UNC5A: variants seen among roughly 807,000 people sequenced by gnomAD.
The protein encoded by UNC5A is unc-5 netrin receptor A.
A neutral mutation model predicts 87.4 loss-of-function variants in UNC5A; 20 were observed. The ratio of observed to expected loss-of-function variants is 0.23; its 90% CI spans 0.16 to 0.33. The LOEUF is 0.33. Among genes scored for constraint, UNC5A ranks in the 10% least tolerant of loss-of-function variants. The pLI, the probability that UNC5A is intolerant of heterozygous loss-of-function variation, is 1.00. For missense variants in UNC5A, 844 were observed against 1,133.4 expected (o/e 0.74, Z 3.67); for synonymous variants, 438 against 482.3 (o/e 0.91, Z 1.20).
Position 176,879,999 on chromosome 5 carries a change from C to T in UNC5A, c.*113C>T. The stretch of plus-strand genomic sequence containing the variant: ...CGGGGAGAGCTGCTCGGACAGGCCC[C>T]CTCCCGGCCGAAGCTGTCCCTTAAT... On this transcript the variant is annotated 3_prime_UTR_variant, in exon 15 of 15. Coordinates refer to ENST00000329542, the MANE Select transcript of UNC5A (RefSeq NM_133369.3). 1 of 1,372,726 alleles carries T rather than the reference C, an allele frequency of 7.3e-7. No individual in the cohort carries two copies. 85.0% of individuals were successfully genotyped at this position (1,372,726 alleles called of 1,614,324 possible). A position where few individuals can be genotyped will look rare whatever the true frequency, so the allele number is the denominator to read the frequency against.
chr5:176,877,346 C>T, intron 9 of UNC5A, 67 bp downstream of exon 9: 7 of 1,456,176 alleles, frequency 4.8e-6, no homozygotes, highest in South Asian at 3.7e-5. Context: ...CCCCAGGAAG[C>T]CCCCTGCCCA....
chr5:176,865,850 A>G lies in UNC5A; in HGVS notation c.293-2280A>G, dbSNP rs564285419. 16 of 354,456 alleles carry G rather than the reference A, an allele frequency of 4.5e-5. No homozygotes were observed. Among genetic ancestry groups the G allele is most frequent in the Non-Finnish European group, 9.0e-5 (16 of 177,878 alleles). 22.0% of individuals were successfully genotyped at this position (354,456 alleles called of 1,614,324 possible). On this transcript the variant is annotated intron_variant, in intron 2 of 14. Coordinates refer to ENST00000329542, the MANE Select transcript of UNC5A (RefSeq NM_133369.3). This position sits in a 1 kb window ranked among gnomAD's most constrained non-coding sequence, Gnocchi z 5.3. ...CGTTTGCCCTCATTCCTCACCCAGA[A>G]GGCCAGGGGGCAGGGACCAAGGCCT...
chr5:176,870,847 C>T lies in UNC5A; in HGVS notation c.886+313C>T, dbSNP rs574662454. Among the ~76,000 whole-genome samples the T allele has an allele frequency of 2.7e-5, 4 of 148,570 alleles. No homozygotes were observed. The South Asian group carries it at 6.6e-4, about 24-fold the overall frequency. ...AACACCACAGCTTCACATCTGCCCA[C>T]GCTCACCCCACACCACAGCTTCCCA... On this transcript the variant is annotated intron_variant, in intron 6 of 14. Transcript: ENST00000329542.
chr5:176,842,303 G>T (rs899618030), intron 1 of UNC5A, among the ~76,000 whole-genome samples: 1 of 152,260 alleles, frequency 6.6e-6, no homozygotes, highest in Admixed American at 6.5e-5. Context: ...CACTATGGAA[G>T]ACAGTGTGGA....
chr5:176,814,417 T>G (rs553878671), intron 1 of UNC5A, among the ~76,000 whole-genome samples: 4 of 152,270 alleles, frequency 2.6e-5, no homozygotes, highest in African/African-American at 9.6e-5. Context: ...AGACTGTAGC[T>G]CCTTTGCCTT....
In UNC5A at chr5:176,874,403, C is replaced by T. The variant is rs770418654; in HGVS notation, c.1215C>T (p.Gly405=). Residue 405 remains glycine, a synonymous_variant, in exon 8 of 15, where the codon GGC becomes GGT. Coordinates refer to ENST00000329542, the MANE Select transcript of UNC5A (RefSeq NM_133369.3). The surrounding 1 kb of genome is among the most constrained non-coding windows in gnomAD (Gnocchi z 7.6). The part of the protein sequence containing the change: ...TNGHLLSPLG[G]GRHTLHHSSP... ...GGCACCTGCTCAGCCCCCTGGGTGG[C>T]GGCCGCCACACACTGCACCACAGCT... The T allele has an allele frequency of 9.3e-6, 15 of 1,613,412 alleles. No homozygotes were observed. The highest frequency in any genetic ancestry group is 2.2e-5 in the East Asian group (1 of 44,888).
chr5:176,813,257 A>G (rs1756512743), intron 1 of UNC5A, among the ~76,000 whole-genome samples: 1 of 152,140 alleles, frequency 6.6e-6, no homozygotes, highest in African/African-American at 2.4e-5. Context: ...TGCAGTCTTG[A>G]GCAGGAGGGA....
In UNC5A at chr5:176,869,623, G is replaced by A. The variant is rs1283293211; in HGVS notation, c.721+659G>A. ...TTCTCTGTCCGGCCAGTGAACGGTG[G>A]GTGGTCGACGTGGACCGAGTGGTCC... On this transcript the variant is annotated intron_variant, in intron 5 of 14. Transcript: ENST00000329542. This position sits in a 1 kb window ranked among gnomAD's most constrained non-coding sequence, Gnocchi z 9.1. The A allele has an allele frequency of 1.4e-6, 1 of 699,820 alleles. No homozygotes were observed. The highest frequency in any genetic ancestry group is 1.5e-5 in the South Asian group (1 of 67,422). 43.4% of individuals were successfully genotyped at this position (699,820 alleles called of 1,614,324 possible).
rs1414104509 is a variant in UNC5A at position 176,877,456 on chromosome 5, C to T, written c.1467-79C>T. ...CCCCTGGCCCCTGGGATGCTGCTGC[C>T]CTGCCCTTGGCCTAGCCCTCAGGAC... is the stretch of plus-strand genomic sequence containing the variant. On this transcript the variant is annotated intron_variant, in intron 9 of 14. Transcript: ENST00000329542. The T allele has an allele frequency of 2.0e-6, 3 of 1,488,136 alleles. No individual in the cohort carries two copies. The African/African-American group carries it at 4.2e-5, about 21-fold the overall frequency. The allele number at this position is 1,488,136 out of a possible 1,614,324, so 92.2% of individuals were successfully genotyped here.
In UNC5A at chr5:176,862,861, C is replaced by T. The variant is rs139255325; in HGVS notation, c.292+16C>T. ...GGGAGCAGTGGTGAGCCGCATGGGG[C>T]GCCAGGCAGGGCCAATCCGGGGGAG... On this transcript the variant is annotated intron_variant, in intron 2 of 14. Transcript: ENST00000329542. 9.1e-5 allele frequency: 146 copies of T among 1,611,692 alleles called. No individual in the cohort carries two copies. The highest frequency in any genetic ancestry group is 7.7e-4 in the African/African-American group (58 of 75,010).
At chr5:176,870,311 T>C in intron 5 of UNC5A, 59 bp from the exon 6 acceptor site, 1 of 1,576,358 alleles carries the variant, frequency 6.3e-7, no homozygotes, top group Non-Finnish European at 8.6e-7. Flanking sequence ...ACTGGCAGAC[T>C]GCCGGGGTGG....
At chr5:176,831,158 G>C (rs1320567034) in intron 1 of UNC5A, among the ~76,000 whole-genome samples, 1 of 152,010 alleles carries the variant, frequency 6.6e-6, no homozygotes, top group Admixed American at 6.5e-5. Flanking sequence ...AGCTTTTATC[G>C]TTCTGCAGAA....
intron 1 of UNC5A, among the ~76,000 whole-genome samples, chr5:176,849,794 GC>G (rs1757499513): frequency 6.6e-6 from 1 of 152,178 alleles, no homozygotes; most frequent in Non-Finnish European, 1.5e-5. Flanking sequence ...ACCTCCTGAT[GC>G]CCAACTGAGG....
At position 176,869,936 on chromosome 5, in the gene UNC5A, T is replaced by C. The variant is rs1758070129; in HGVS notation, c.722-434T>C. ...CTGAGGCGGGGATCGGGGTGCGGTG[T>C]ATGGTTGGAGTCAGGGCTCGATCTG... On this transcript the variant is annotated intron_variant, in intron 5 of 14. Transcript: ENST00000329542. This position sits in a 1 kb window ranked among gnomAD's most constrained non-coding sequence, Gnocchi z 9.1. Among the ~76,000 whole-genome samples the C allele has an allele frequency of 6.8e-6, 1 of 146,522 alleles. No homozygotes were observed. Among genetic ancestry groups the C allele is most frequent in the South Asian group, 2.3e-4 (1 of 4,276 alleles).
chr5:176,860,593 C>G (rs1757811501), intron 1 of UNC5A, among the ~76,000 whole-genome samples: 1 of 152,130 alleles, frequency 6.6e-6, no homozygotes, highest in African/African-American at 2.4e-5. Context: ...GCTGGAGGCT[C>G]TGGGGTAAGG....
intron 1 of UNC5A, among the ~76,000 whole-genome samples, chr5:176,826,606 T>C (rs1756858881): frequency 6.6e-6 from 1 of 152,098 alleles, no homozygotes; most frequent in East Asian, 1.9e-4. Context: ...CACAATGTTA[T>C]GCGACCATCA....
At chr5:176,845,384 A>G (rs1757380056) in intron 1 of UNC5A, among the ~76,000 whole-genome samples, 1 of 152,142 alleles carries the variant, frequency 6.6e-6, no homozygotes, top group Non-Finnish European at 1.5e-5. Flanking sequence ...CCTGCCTCAT[A>G]TGCTTTGCTT....
chr5:176,854,757 A>T (rs1017471659), intron 1 of UNC5A, among the ~76,000 whole-genome samples: 1 of 152,220 alleles, frequency 6.6e-6, no homozygotes, highest in African/African-American at 2.4e-5. Context: ...CTCTGGCTGT[A>T]TGTCAGGTCC....
At chr5:176,822,054 G>C (rs1756739996) in intron 1 of UNC5A, among the ~76,000 whole-genome samples, 2 of 152,252 alleles carry the variant, frequency 1.3e-5, no homozygotes, top group South Asian at 4.1e-4. Flanking sequence ...GGGTGAACTT[G>C]GGCAGGTTAT....
Sources: allele counts gnomAD v4.1 joint callset (sites outside exome capture counted in the v4.1 genomes callset), GRCh38; gene constraint gnomAD v4.1.1; non-coding constraint Gnocchi (gnomAD v3.1); transcripts MANE v1.5; gene names NCBI Gene and HGNC (gene_info 2026-07-23, HGNC 2026-07-21).